Variants in RABGAP1L observed in about 807,000 individuals in gnomAD.
The protein encoded by RABGAP1L is rab GTPase-activating protein 1-like.
Under a neutral mutation model 137.7 loss-of-function variants are expected in RABGAP1L, and 63 were observed. The observed-to-expected ratio is 0.46, with a 90% CI of 0.37 to 0.56. The LOEUF (loss-of-function observed/expected upper bound fraction) is 0.56, where lower values mean the gene tolerates loss of function less well. Among genes scored for constraint, RABGAP1L ranks in the 20% least tolerant of loss-of-function variants. The probability of loss-of-function intolerance (pLI) is 0.00; values close to 1 mark genes in which losing one functional copy is unlikely to be tolerated. For synonymous variants in RABGAP1L, 431 were observed against 433.7 expected, an observed-to-expected ratio of 0.99 and a Z score of 0.08; for missense variants, 1,095 against 1,244.0, an observed-to-expected ratio of 0.88 and a Z score of 1.80.
intron 13 of RABGAP1L, among the ~76,000 whole-genome samples, chr1:174,555,494 T>C (rs1223583118): frequency 7.2e-5 from 11 of 152,144 alleles, no homozygotes; most frequent in Non-Finnish European, 2.9e-5. Context: ...CAACAAACAT[T>C]TGTCGAGCAT....
chr1:174,821,990 C>T (rs1301266530), intron 19 of RABGAP1L, among the ~76,000 whole-genome samples: 1 of 152,170 alleles, frequency 6.6e-6, no homozygotes, highest in Non-Finnish European at 1.5e-5. Context: ...AAGCTGGGTG[C>T]GGTGGCTCAC....
intron 21 of RABGAP1L, among the ~76,000 whole-genome samples, chr1:174,970,752 A>T (rs1174982869): frequency 1.3e-5 from 2 of 151,866 alleles, no homozygotes; most frequent in Non-Finnish European, 2.9e-5. Context: ...AGATCTGTTT[A>T]AAAAAAATGT....
At chr1:174,823,861 A>G (rs1691297270) in intron 19 of RABGAP1L, among the ~76,000 whole-genome samples, 1 of 152,174 alleles carries the variant, frequency 6.6e-6, no homozygotes, top group Non-Finnish European at 1.5e-5. Flanking sequence ...TAAATTAGAA[A>G]TTGGCTGGGT....
chr1:174,727,449 G>A (rs571415219), intron 17 of RABGAP1L, among the ~76,000 whole-genome samples: 1 of 152,278 alleles, frequency 6.6e-6, no homozygotes, highest in South Asian at 2.1e-4. Flanking sequence ...TTTTACTTAA[G>A]CATTGCTGAT....
At chr1:174,410,183 C>T (rs924936388) in intron 13 of RABGAP1L, among the ~76,000 whole-genome samples, 13 of 152,254 alleles carry the variant, frequency 8.5e-5, no homozygotes, top group Admixed American at 7.8e-4. Context: ...TAAAATTCCT[C>T]TCTTTGTACT....
intron 18 of RABGAP1L, among the ~76,000 whole-genome samples, chr1:174,765,013 T>C (rs917512083): frequency 2.0e-5 from 3 of 152,176 alleles, no homozygotes; most frequent in Admixed American, 2.0e-4. Context: ...CATCTGTCCG[T>C]GTCAGGTAAA....
At chr1:174,193,734 A>C (rs903327422) in intron 1 of RABGAP1L, among the ~76,000 whole-genome samples, 1 of 152,156 alleles carries the variant, frequency 6.6e-6, no homozygotes, top group African/African-American at 2.4e-5. Context: ...AATATTCTTC[A>C]TGTGTTTTGG....
intron 13 of RABGAP1L, among the ~76,000 whole-genome samples, chr1:174,632,298 C>A (rs1484609361): frequency 6.7e-6 from 1 of 148,808 alleles, no homozygotes; most frequent in Non-Finnish European, 1.5e-5. Flanking sequence ...TGAGGGTAAC[C>A]CGACCTTTCT....
At chr1:174,895,686 T>C (rs1241305917) in intron 19 of RABGAP1L, among the ~76,000 whole-genome samples, 1 of 151,506 alleles carries the variant, frequency 6.6e-6, no homozygotes, top group African/African-American at 2.4e-5. Flanking sequence ...AGTGAGAACA[T>C]GCGGTGTTTG....
chr1:174,636,097 G>A (rs1572628116), intron 13 of RABGAP1L, among the ~76,000 whole-genome samples: 1 of 152,136 alleles, frequency 6.6e-6, no homozygotes, highest in East Asian at 1.9e-4. Context: ...CTATTTTCTT[G>A]ACATTTAAAA....
At chr1:174,819,187 TAAAA>T (rs71299431) in intron 19 of RABGAP1L, among the ~76,000 whole-genome samples, 8 of 44,870 alleles carry the variant, frequency 1.8e-4, no homozygotes, top group Admixed American at 3.4e-4. Context: ...TGCCTGTCTC[TAAAA>T]AAAAAAAAAA....
Position 174,571,589 on chromosome 1 carries a change from AAAAT to A in RABGAP1L, c.1711-65781_1711-65778del, listed in dbSNP as rs1557859535. Among the ~76,000 whole-genome samples the A allele has an allele frequency of 2.0e-5, 3 of 152,090 alleles. 1 individual carries two copies. Among genetic ancestry groups the A allele is most frequent in the Non-Finnish European group, 4.4e-5 (3 of 68,016 alleles). Reference sequence around the variant, plus strand: ...CGAAATTAAAAATAAAAAAATTTTTAAAATAAATTATATTTCATAATCAGTGGTG... The same window carrying A: ...CGAAATTAAAAATAAAAAAATTTTTAAAATTATATTTCATAATCAGTGGTG... On this transcript the variant is annotated intron_variant, in intron 13 of 25. Transcript: ENST00000681986.
At chr1:174,268,628 C>G (rs1244331824) in intron 7 of RABGAP1L, among the ~76,000 whole-genome samples, 1 of 152,040 alleles carries the variant, frequency 6.6e-6, no homozygotes, top group African/African-American at 2.4e-5. Flanking sequence ...ATTTGATAGA[C>G]TAAAGGTAAA....
intron 12 of RABGAP1L, among the ~76,000 whole-genome samples, chr1:174,393,171 G>A (rs60415317): frequency 0.018 from 2,698 of 152,222 alleles, 70 homozygotes; most frequent in African/African-American, 0.062. Flanking sequence ...AGTATGTGTT[G>A]CTTCCCCAGC....
intron 19 of RABGAP1L, among the ~76,000 whole-genome samples, chr1:174,954,994 A>T (rs557732719): frequency 6.6e-6 from 1 of 152,230 alleles, no homozygotes. Flanking sequence ...ATCAAAGCCA[A>T]GAAAAATAAT....
intron 13 of RABGAP1L, among the ~76,000 whole-genome samples, chr1:174,500,290 G>A (rs1661140103): frequency 6.6e-6 from 1 of 152,096 alleles, no homozygotes; most frequent in South Asian, 2.1e-4. Flanking sequence ...ACATTGGCCA[G>A]GGTGGTCTCA....
At chr1:174,569,299 T>A (rs971131790) in intron 13 of RABGAP1L, among the ~76,000 whole-genome samples, 26 of 152,210 alleles carry the variant, frequency 1.7e-4, no homozygotes, top group South Asian at 4.1e-4. Flanking sequence ...AGAGTTGGCT[T>A]GTACCATCTG....
chr1:174,597,363 A>T (rs1242225272), intron 13 of RABGAP1L, among the ~76,000 whole-genome samples: 2 of 152,066 alleles, frequency 1.3e-5, no homozygotes, highest in African/African-American at 4.8e-5. Context: ...TCTTGATAGG[A>T]GACTTTTTAT....
intron 18 of RABGAP1L, among the ~76,000 whole-genome samples, chr1:174,808,589 T>C (rs148183504): frequency 1.2e-3 from 182 of 152,282 alleles, no homozygotes; most frequent in Admixed American, 2.4e-3. Context: ...TGCACTCTTA[T>C]ACCTTAAATT....
Sources: gnomAD v4.1 joint callset for allele counts (sites outside exome capture counted in the v4.1 genomes callset) on GRCh38, gnomAD v4.1.1 for gene constraint, MANE v1.5 for transcripts, NCBI Gene and HGNC (gene_info 2026-07-23, HGNC 2026-07-21) for gene names.